Variants in SPTA1 observed in about 807,000 individuals in gnomAD.
The protein encoded by SPTA1 is spectrin alpha, erythrocytic 1, also known as spectrin alpha chain, erythrocytic 1.
SPTA1 carries 177 observed loss-of-function variants against 324.7 expected under a neutral mutation model. The observed-to-expected ratio is 0.55, with a 90% CI of 0.48 to 0.62. The LOEUF is 0.62. Among genes scored for constraint, SPTA1 ranks in the 20% least tolerant of loss-of-function variants. The pLI, the probability that SPTA1 is intolerant of heterozygous loss-of-function variation, is 0.00. For synonymous variants in SPTA1, 1,195 were observed against 1,041.3 expected (o/e 1.15, Z -2.84); for missense variants, 3,162 against 2,883.6 (o/e 1.10, Z -2.21).
intron 25 of SPTA1, 130 bp downstream of exon 25, chr1:158,649,726 A>G (rs1437107896): frequency 2.6e-6 from 2 of 772,716 alleles, no homozygotes; most frequent in Middle Eastern, 3.3e-4. Context: ...TAAAAAACCT[A>G]ATTTTCTATT....
At chr1:158,680,514 T>A (rs1654726306) in intron 5 of SPTA1, 69 bp downstream of exon 5, 2 of 1,605,814 alleles carry the variant, frequency 1.2e-6, no homozygotes, top group Non-Finnish European at 1.7e-6. Context: ...ATCCATCTAC[T>A]AATGGCCAGA....
rs1167532554 is a variant in SPTA1, at chr1:158,678,541, A to C, written c.679-7T>G. On this transcript the variant is annotated splice_polypyrimidine_tract_variant and splice_region_variant and intron_variant, in intron 5 of 51. Coordinates refer to ENST00000643759, the MANE Select transcript of SPTA1 (RefSeq NM_003126.4). ...GTAGGTCAGGATGGTTTTCCTGTTG[A>C]AGGAAAACAACACTGGAGTTATACA... is the stretch of plus-strand genomic sequence containing the variant. 1 of 1,613,058 alleles carries C rather than the reference A, an allele frequency of 6.2e-7. No homozygotes were observed. Among genetic ancestry groups the C allele is most frequent in the East Asian group, 2.2e-5 (1 of 44,836 alleles).
chr1:158,651,880 G>GCTCTCTCT (rs60287443), intron 23 of SPTA1, among the ~76,000 whole-genome samples: 3 of 149,296 alleles, frequency 2.0e-5, no homozygotes, highest in African/African-American at 7.5e-5. Context: ...TCTAGGGAGT[G>GCTCTCTCT]CTCTCTCTCT....
chr1:158,659,074 G>A (rs1653023762), intron 18 of SPTA1, among the ~76,000 whole-genome samples: 1 of 151,886 alleles, frequency 6.6e-6, no homozygotes, highest in Non-Finnish European at 1.5e-5. Flanking sequence ...TACTGGAAAT[G>A]GGAACTATGA....
Position 158,639,988 on chromosome 1 carries a change from T to C in SPTA1, c.4757A>G (p.Lys1586Arg). 6.2e-7 allele frequency: 1 copy of C among 1,613,880 alleles called. No individual in the cohort carries two copies. ...EAMKEQLEQL[K>R]EHWDHLLERT... ...CTCAAGCAGATGATCCCAATGTTCCTTCAGCTGTTCCAGTTGCTCCTAACC... is the reference window on the plus strand; with the variant it reads ...CTCAAGCAGATGATCCCAATGTTCCCTCAGCTGTTCCAGTTGCTCCTAACC... Residue 1586 changes from lysine to arginine, a missense_variant, in exon 34 of 52, where the codon AAG becomes AGG. Transcript: ENST00000643759.
At chr1:158,664,470 T>A (rs143998583) in intron 16 of SPTA1, among the ~76,000 whole-genome samples, 5 of 151,934 alleles carry the variant, frequency 3.3e-5, no homozygotes, top group Non-Finnish European at 7.4e-5. Context: ...TAAGTAGGAG[T>A]TGAACAATGA....
At chr1:158,645,457 G>T in intron 28 of SPTA1, 38 bp downstream of exon 28, 1 of 1,613,838 alleles carries the variant, frequency 6.2e-7, no homozygotes, top group Non-Finnish European at 8.5e-7. Flanking sequence ...AGAGGTTTCA[G>T]GTCAAGTGAT....
Position 158,667,934 on chromosome 1 carries a change from G to T in SPTA1, c.1962C>A (p.Ala654=). 1 of 1,614,032 alleles carries T rather than the reference G, an allele frequency of 6.2e-7. No individual in the cohort carries two copies. The highest frequency in any genetic ancestry group is 8.5e-7 in the Non-Finnish European group (1 of 1,179,990). ...GQEMIEGGHY[A]SDNVTTRLSE... is the part of the protein sequence containing the mutation. Reference sequence around the variant, plus strand: ...TCAGACGAGTGGTCACATTGTCAGAGGCATAGTGACCACCCTCAATCATCT... The same window carrying T: ...TCAGACGAGTGGTCACATTGTCAGATGCATAGTGACCACCCTCAATCATCT... Residue 654 remains alanine, a synonymous_variant, in exon 15 of 52, where the codon GCC becomes GCA. Coordinates refer to ENST00000643759, the MANE Select transcript of SPTA1 (RefSeq NM_003126.4).
At chr1:158,612,196 C>T (rs1315814011) in intron 51 of SPTA1, 1 of 156,062 alleles carries the variant, frequency 6.4e-6, no homozygotes, top group African/African-American at 2.4e-5. Context: ...TTTGCACACA[C>T]ACTTGCCTTT....
intron 4 of SPTA1, among the ~76,000 whole-genome samples, 174 bp from the exon 5 acceptor site, chr1:158,680,903 A>C (rs989110140): frequency 6.6e-5 from 10 of 152,126 alleles, no homozygotes; most frequent in Admixed American, 2.0e-4. Context: ...TTAAGGTAGC[A>C]CCTTGGCACA....
At chr1:158,628,545 T>C (rs1650443974) in intron 39 of SPTA1, among the ~76,000 whole-genome samples, 1 of 152,330 alleles carries the variant, frequency 6.6e-6, no homozygotes. Context: ...TAAAACAAGA[T>C]GGACTACATT....
At chr1:158,654,783 A>C in intron 20 of SPTA1, 35 bp from the exon 21 acceptor site, 1 of 1,611,226 alleles carries the variant, frequency 6.2e-7, no homozygotes, top group Non-Finnish European at 8.5e-7. Flanking sequence ...TCAGTCACGC[A>C]CTGGAAATAT....
At chr1:158,629,336 C>G (rs1286945913) in intron 39 of SPTA1, among the ~76,000 whole-genome samples, 1 of 151,516 alleles carries the variant, frequency 6.6e-6, no homozygotes, top group African/African-American at 2.4e-5. Flanking sequence ...GATTATATAC[C>G]ACAAACAAGC....
In SPTA1 at chr1:158,677,793, G is replaced by T. The variant is rs755259437; in HGVS notation, c.854C>A (p.Pro285His). ...GCCATAGTCCTCAGAGGTGAGTACA[G>T]GTTCCTTCTCCTTGATCCACTGGAT... Reference protein sequence around the residue: ...EAIQWIKEKEPVLTSEDYGKD... With the variant: ...EAIQWIKEKEHVLTSEDYGKD... Residue 285 changes from proline to histidine, a missense_variant, in exon 7 of 52, where the codon CCT (proline) becomes CAT (histidine). Physicochemically the swap from Pro to His is moderately conservative, Grantham distance 77 (BLOSUM62 -2). Transcript: ENST00000643759. The T allele has an allele frequency of 6.2e-7, 1 of 1,613,692 alleles. No individual in the cohort carries two copies. Among genetic ancestry groups the T allele is most frequent in the African/African-American group, 1.3e-5 (1 of 74,996 alleles).
rs368538983 is a variant in SPTA1 at position 158,671,299 on chromosome 1, A to T, written c.1599+44T>A. ...GGACAGGTATTGTGTAAAATTATGT[A>T]TACAGAGAGGGAGCCAATGCCCAAA... On this transcript the variant is annotated intron_variant, in intron 12 of 51. Coordinates refer to ENST00000643759, the MANE Select transcript of SPTA1 (RefSeq NM_003126.4). 4 of 1,417,482 alleles carry T rather than the reference A, an allele frequency of 2.8e-6. No homozygotes were observed. The Admixed American group carries it at 5.1e-5, about 18-fold the overall frequency. The allele number at this position is 1,417,482 out of a possible 1,614,324, so 87.8% of individuals were successfully genotyped here.
At chr1:158,637,946 AT>A (rs1489426142) in intron 36 of SPTA1, 86 bp downstream of exon 36, 1 of 1,442,310 alleles carries the variant, frequency 6.9e-7, no homozygotes, top group African/African-American at 1.4e-5. Context: ...ACAAGTACAA[AT>A]TTCATTTCAG....
chr1:158,678,465 G>T lies in SPTA1; in HGVS notation c.748C>A (p.Arg250Ser). ...NEVNAAWERL[R>S]GLALQRQKAL... The stretch of plus-strand genomic sequence containing the variant: ...TTCTGTCTCTGGAGAGCCAAACCAC[G>T]AAGGCGCTCCCAGGCAGCATTCACC... Residue 250 changes from arginine to serine, a missense_variant, in exon 6 of 52, where the codon CGT (arginine) becomes AGT (serine). Arg to Ser is a moderately radical substitution (Grantham distance 110). Transcript: ENST00000643759. 6.2e-7 allele frequency: 1 copy of T among 1,613,798 alleles called. No homozygotes were observed. Among genetic ancestry groups the T allele is most frequent in the Non-Finnish European group, 8.5e-7 (1 of 1,179,792 alleles).
chr1:158,648,453 A>G, intron 26 of SPTA1, 56 bp downstream of exon 26: 8 of 1,610,630 alleles, frequency 5.0e-6, no homozygotes, highest in Non-Finnish European at 6.8e-6. Flanking sequence ...GGGCATTGGT[A>G]TACGGCTAAA....
Position 158,674,349 on chromosome 1 carries a change from A to T in SPTA1, c.1330T>A (p.Ser444Thr). The change falls in exon 10 of 52, where the codon TCT becomes ACT. Residue 444 changes from serine (S) to threonine (T), a missense_variant. By Grantham distance (58) the Ser-to-Thr change is moderately conservative. Transcript: ENST00000643759. The part of the protein sequence containing the change: ...QDLVNANHEA[S>T]DEVREKMEIL... Reference sequence around the variant, plus strand: ...ATTACCTTTTCCCGAACTTCATCAGAGGCTTCATGATTGGCATTCACGAGG... The same window carrying T: ...ATTACCTTTTCCCGAACTTCATCAGTGGCTTCATGATTGGCATTCACGAGG... 6.2e-7 allele frequency: 1 copy of T among 1,614,082 alleles called. No homozygotes were observed. Among genetic ancestry groups the T allele is most frequent in the South Asian group, 1.1e-5 (1 of 91,078 alleles).
Sources: gnomAD v4.1 joint callset for allele counts (sites outside exome capture counted in the v4.1 genomes callset) on GRCh38, gnomAD v4.1.1 for gene constraint, MANE v1.5 for transcripts, NCBI Gene and HGNC (gene_info 2026-07-23, HGNC 2026-07-21) for gene names.